RBFOX3: variants seen among roughly 807,000 people sequenced by gnomAD.
RBFOX3 encodes RNA binding fox-1 homolog 3.
A neutral mutation model predicts 48.7 loss-of-function variants in RBFOX3; 17 were observed. The observed-to-expected ratio is 0.35, with a 90% CI of 0.24 to 0.52. RBFOX3 has a LOEUF of 0.52. Ranked by LOEUF, RBFOX3 falls within the 20% of genes least tolerant of loss-of-function variation. The pLI, the probability that RBFOX3 is intolerant of heterozygous loss-of-function variation, is 0.94. For synonymous variants in RBFOX3, 212 were observed against 209.5 expected (o/e 1.01, Z -0.10); for missense variants, 382 against 497.5 (o/e 0.77, Z 2.21).
chr17:79,465,188 G>A (rs1303762197), intron 2 of RBFOX3, among the ~76,000 whole-genome samples: 1 of 152,172 alleles, frequency 6.6e-6, no homozygotes, highest in Non-Finnish European at 1.5e-5. Flanking sequence ...TCCCGAGGCG[G>A]CCTCCCCTCA....
intron 2 of RBFOX3, among the ~76,000 whole-genome samples, chr17:79,455,600 C>T (rs542456847): frequency 5.9e-5 from 9 of 152,158 alleles, no homozygotes; most frequent in South Asian, 2.1e-4. Flanking sequence ...CACACACGCA[C>T]GCAGTCACAC....
intron 2 of RBFOX3, among the ~76,000 whole-genome samples, chr17:79,404,801 C>T (rs2094460889): frequency 6.6e-6 from 1 of 152,206 alleles, no homozygotes; most frequent in African/African-American, 2.4e-5. Context: ...CTCCAGAGTC[C>T]AGCTGCCTTC....
At chr17:79,420,509 C>G (rs1350407475) in intron 2 of RBFOX3, among the ~76,000 whole-genome samples, 2 of 152,148 alleles carry the variant, frequency 1.3e-5, no homozygotes, top group African/African-American at 4.8e-5. Flanking sequence ...CCCTCCACAG[C>G]CATGTCCAGG....
At chr17:79,154,405 C>T (rs973563429) in intron 4 of RBFOX3, among the ~76,000 whole-genome samples, 1 of 152,256 alleles carries the variant, frequency 6.6e-6, no homozygotes, top group Admixed American at 6.5e-5. Flanking sequence ...GACCTCATCT[C>T]TCTTTCTCTG....
intron 1 of RBFOX3, among the ~76,000 whole-genome samples, chr17:79,513,190 A>G (rs373003724): frequency 0.39 from 53,527 of 138,460 alleles, 9,833 homozygotes; most frequent in Middle Eastern, 0.5. Context: ...TGTTACCATC[A>G]GGTACAGCCC....
chr17:79,295,359 T>C (rs2074163942), intron 3 of RBFOX3, among the ~76,000 whole-genome samples: 1 of 152,164 alleles, frequency 6.6e-6, no homozygotes, highest in South Asian at 2.1e-4. Flanking sequence ...TAAATCAAGA[T>C]TCGTTTTGTA....
At chr17:79,562,937 T>C (rs2092304631) in intron 1 of RBFOX3, among the ~76,000 whole-genome samples, 1 of 152,234 alleles carries the variant, frequency 6.6e-6, no homozygotes, top group African/African-American at 2.4e-5. Context: ...AGCACGGCTC[T>C]GCTGGACGCC....
At chr17:79,107,587 C>T (rs916877412) in intron 5 of RBFOX3, among the ~76,000 whole-genome samples, 7 of 152,222 alleles carry the variant, frequency 4.6e-5, no homozygotes, top group Non-Finnish European at 1.0e-4. Context: ...CAAGGCTGGC[C>T]TTCAGTCTGG....
chr17:79,200,285 A>G (rs1025576986), intron 4 of RBFOX3, among the ~76,000 whole-genome samples: 2 of 152,232 alleles, frequency 1.3e-5, no homozygotes, highest in Non-Finnish European at 2.9e-5. Context: ...CCTGTGCCCA[A>G]GCTGCTGGAC....
chr17:79,518,270 G>A (rs1004766874), intron 1 of RBFOX3, among the ~76,000 whole-genome samples: 39 of 152,126 alleles, frequency 2.6e-4, no homozygotes, highest in African/African-American at 8.7e-4. Context: ...AATTAATCAC[G>A]AGACATGGCA....
intron 4 of RBFOX3, among the ~76,000 whole-genome samples, chr17:79,122,855 G>A (rs2036128568): frequency 6.6e-6 from 1 of 152,084 alleles, no homozygotes; most frequent in South Asian, 2.1e-4. Flanking sequence ...GATACACAAT[G>A]GAGTACTATT....
At chr17:79,383,819 G>T (rs2060230711) in intron 2 of RBFOX3, among the ~76,000 whole-genome samples, 2 of 152,190 alleles carry the variant, frequency 1.3e-5, no homozygotes. Context: ...GGGAGATGCT[G>T]CTGGAAGAGC....
intron 1 of RBFOX3, among the ~76,000 whole-genome samples, chr17:79,527,231 C>G (rs2086917935): frequency 6.6e-6 from 1 of 152,284 alleles, no homozygotes; most frequent in Non-Finnish European, 1.5e-5. Context: ...CCTGCCACCT[C>G]TTCCCTGCCA....
In RBFOX3 at chr17:79,574,953, G is replaced by T. The variant is rs918935785; in HGVS notation, c.-320+35873C>A. On this transcript the variant is annotated intron_variant, in intron 1 of 14. Coordinates refer to ENST00000693108, the MANE Select transcript of RBFOX3 (RefSeq NM_001350451.2). ...AGGCCTGAGTTTGCATCTCTAACCA[G>T]CTCCTGCGTGATGCCGCTGCTGGTC... 2.6e-5 allele frequency among the ~76,000 whole-genome samples: 4 copies of T among 152,338 alleles called. No homozygotes were observed. The East Asian group carries it at 7.7e-4, about 29-fold the overall frequency.
At chr17:79,229,710 C>T (rs1010380515) in intron 4 of RBFOX3, among the ~76,000 whole-genome samples, 1 of 152,038 alleles carries the variant, frequency 6.6e-6, no homozygotes, top group Non-Finnish European at 1.5e-5. Flanking sequence ...CCCGTGAAAT[C>T]CACAGTCTCC....
chr17:79,303,311 G>A lies in RBFOX3; in HGVS notation c.-74+4413C>T, dbSNP rs143859825. On this transcript the variant is annotated intron_variant, in intron 3 of 14. Coordinates refer to ENST00000693108, the MANE Select transcript of RBFOX3 (RefSeq NM_001350451.2). ...TACCAGAAATATGTTTACTGATTATGCGGTATATGGTTGCACAAATATACA... is the reference window on the plus strand; with the variant it reads ...TACCAGAAATATGTTTACTGATTATACGGTATATGGTTGCACAAATATACA... Among the ~76,000 whole-genome samples the A allele has an allele frequency of 4.5e-3, 680 of 152,272 alleles. 14 individuals carry two copies. The highest frequency in any genetic ancestry group is 0.033 in the Admixed American group (501 of 15,292).
intron 2 of RBFOX3, among the ~76,000 whole-genome samples, chr17:79,312,997 T>C (rs1425434610): frequency 6.6e-6 from 1 of 152,188 alleles, no homozygotes; most frequent in Non-Finnish European, 1.5e-5. Flanking sequence ...AGATGTAGGA[T>C]GCTGGGAGAG....
the RBFOX3 span, among the ~76,000 whole-genome samples, chr17:79,631,373 G>T: frequency 6.6e-6 from 1 of 152,126 alleles, no homozygotes; most frequent in Non-Finnish European, 1.5e-5. Context: ...GTCGTTGACT[G>T]CAATTCACAC....
the RBFOX3 span, among the ~76,000 whole-genome samples, chr17:79,648,978 CT>C: frequency 0.37 from 49,690 of 133,030 alleles, 9,021 homozygotes; most frequent in African/African-American, 0.52. Flanking sequence ...TGAAAAATGT[CT>C]TTTTTTTTTT....
Sources: allele counts gnomAD v4.1 joint callset (sites outside exome capture counted in the v4.1 genomes callset), GRCh38; gene constraint gnomAD v4.1.1; transcripts MANE v1.5; gene names NCBI Gene and HGNC (gene_info 2026-07-23, HGNC 2026-07-21).